The following LMBRD1 variants were observed in gnomAD, a reference collection of about 807,000 sequenced individuals.
The protein encoded by LMBRD1 is LMBR1 domain containing 1.
Under a neutral mutation model 74.8 loss-of-function variants are expected in LMBRD1, and 64 were observed. The ratio of observed to expected loss-of-function variants is 0.86; its 90% CI spans 0.70 to 1.05. The LOEUF is 1.05. Among genes scored for constraint, LMBRD1 ranks in the 50% least tolerant of loss-of-function variants. LMBRD1 has a pLI of 0.00. For missense variants in LMBRD1, 652 were observed against 645.9 expected (o/e 1.01, Z -0.10); for synonymous variants, 204 against 216.3 (o/e 0.94, Z 0.50).
intron 9 of LMBRD1, among the ~76,000 whole-genome samples, chr6:69,709,849 T>C (rs1028096118): frequency 1.3e-5 from 2 of 152,170 alleles, no homozygotes; most frequent in Non-Finnish European, 2.9e-5. Context: ...TTTTAAGACC[T>C]CTACTTTGAA....
rs117698473 is a variant in LMBRD1 at position 69,738,043 on chromosome 6, T to C, written c.563-28A>G. The C allele has an allele frequency of 6.7e-3, 9,951 of 1,474,750 alleles. 45 individuals are homozygous for C. The highest frequency in any genetic ancestry group is 7.9e-3 in the Non-Finnish European group (8,385 of 1,059,426). 91.4% of individuals were successfully genotyped at this position (1,474,750 alleles called of 1,614,324 possible). On this transcript the variant is annotated intron_variant, in intron 6 of 15. Coordinates refer to ENST00000649934, the MANE Select transcript of LMBRD1 (RefSeq NM_018368.4). ...GTGAAGAAAGAAAAACTGTTAAAAA[T>C]GTACATATATACTACTCAAATCCTT...
At chr6:69,718,498 C>T (rs1766541604) in intron 8 of LMBRD1, among the ~76,000 whole-genome samples, 1 of 152,100 alleles carries the variant, frequency 6.6e-6, no homozygotes, top group Non-Finnish European at 1.5e-5. Flanking sequence ...TAAAGAACTA[C>T]TCGAGACTGG....
At chr6:69,713,573 C>T in intron 9 of LMBRD1, 72 bp downstream of exon 9, 1 of 1,461,344 alleles carries the variant, frequency 6.8e-7, no homozygotes, top group Non-Finnish European at 9.5e-7. Flanking sequence ...AAAAGGAGAG[C>T]TCAATCTCTC....
intron 14 of LMBRD1, among the ~76,000 whole-genome samples, chr6:69,677,399 G>A (rs1765569801): frequency 6.6e-6 from 1 of 152,110 alleles, no homozygotes. Context: ...GGGAAGGTTA[G>A]AATAATATTT....
At chr6:69,744,020 A>G (rs1431558365) in intron 5 of LMBRD1, among the ~76,000 whole-genome samples, 2 of 152,242 alleles carry the variant, frequency 1.3e-5, no homozygotes, top group Non-Finnish European at 2.9e-5. Flanking sequence ...CTGAAGTCCA[A>G]TAAAGTTATA....
In LMBRD1 at chr6:69,696,265, C is replaced by T. The variant is rs867610401; in HGVS notation, c.1417+1298G>A. The stretch of plus-strand genomic sequence containing the variant: ...TTGCTTTATTTCACACCCTCATGAC[C>T]ACTGTTTAGTTCAGGCTTTCAACTC... On this transcript the variant is annotated intron_variant, in intron 14 of 15. Transcript: ENST00000649934. Among the ~76,000 whole-genome samples the T allele has an allele frequency of 5.3e-5, 8 of 152,244 alleles. 1 individual carries two copies. In the South Asian group the frequency reaches 6.2e-4, roughly 12 times the overall value.
At position 69,699,225 on chromosome 6, in the gene LMBRD1, T is replaced by C. The variant is rs145296644; in HGVS notation, c.1189-33A>G. ...GAAAAGAGTGACAAAATTTCAGCAA[T>C]ATATTTCATTTATAAAGCATTAAAT... On this transcript the variant is annotated intron_variant, in intron 12 of 15. Transcript: ENST00000649934. The C allele has an allele frequency of 7.6e-5, 119 of 1,566,540 alleles. 1 individual carries two copies. The East Asian group carries it at 2.7e-3, about 35-fold the overall frequency.
intron 12 of LMBRD1, among the ~76,000 whole-genome samples, chr6:69,700,497 C>A (rs1234449266): frequency 1.3e-5 from 2 of 151,840 alleles, no homozygotes; most frequent in Non-Finnish European, 2.9e-5. Flanking sequence ...CCCCTACCCA[C>A]TACATGCCAC....
chr6:69,694,405 A>C (rs962632820), intron 14 of LMBRD1, among the ~76,000 whole-genome samples: 1 of 152,174 alleles, frequency 6.6e-6, no homozygotes, highest in African/African-American at 2.4e-5. Context: ...AACTCAAAGC[A>C]CTTCAACTAT....
intron 8 of LMBRD1, among the ~76,000 whole-genome samples, chr6:69,716,583 A>G (rs1020457376): frequency 1.3e-5 from 2 of 152,174 alleles, no homozygotes; most frequent in Non-Finnish European, 2.9e-5. Flanking sequence ...CACAATCAGT[A>G]GAGCTAGATT....
intron 3 of LMBRD1, among the ~76,000 whole-genome samples, chr6:69,772,047 A>T (rs1198531718): frequency 6.6e-6 from 1 of 152,198 alleles, no homozygotes; most frequent in Non-Finnish European, 1.5e-5. Flanking sequence ...CCACAAGAAA[A>T]AAAACCTACT....
intron 3 of LMBRD1, among the ~76,000 whole-genome samples, chr6:69,767,028 A>G (rs1243696005): frequency 6.6e-6 from 1 of 151,666 alleles, no homozygotes; most frequent in Non-Finnish European, 1.5e-5. Flanking sequence ...TAATTCTTTT[A>G]ATTTCTGCAA....
Position 69,718,933 on chromosome 6 carries a change from A to G in LMBRD1, c.762+23T>C, listed in dbSNP as rs201070434. 18 of 1,612,416 alleles carry G rather than the reference A, an allele frequency of 1.1e-5. No homozygotes were observed. The East Asian group carries it at 2.7e-4, about 24-fold the overall frequency. On this transcript the variant is annotated intron_variant, in intron 8 of 15. Coordinates refer to ENST00000649934, the MANE Select transcript of LMBRD1 (RefSeq NM_018368.4). The stretch of plus-strand genomic sequence containing the variant: ...AGACAAAGTAGTTTTATGCTTCCCA[A>G]TTACACCAAAACATCAACTCACTTT...
At chr6:69,735,042 A>G (rs1220583577) in intron 7 of LMBRD1, among the ~76,000 whole-genome samples, 1 of 152,242 alleles carries the variant, frequency 6.6e-6, no homozygotes, top group African/African-American at 2.4e-5. Context: ...ACGCTTTTGT[A>G]TTGCAATTAT....
At chr6:69,708,496 A>G (rs1476680359) in intron 9 of LMBRD1, among the ~76,000 whole-genome samples, 1 of 152,182 alleles carries the variant, frequency 6.6e-6, no homozygotes, top group East Asian at 1.9e-4. Context: ...GTGAGGTTCA[A>G]AAAGCTTAAG....
chr6:69,725,339 T>TCACACACACA (rs111747887), intron 7 of LMBRD1, among the ~76,000 whole-genome samples: 5 of 148,088 alleles, frequency 3.4e-5, no homozygotes, highest in African/African-American at 1.2e-4. Context: ...ATGACAATCT[T>TCACACACACA]CACACACACA....
intron 14 of LMBRD1, among the ~76,000 whole-genome samples, chr6:69,694,722 A>C (rs1765956857): frequency 6.6e-6 from 1 of 152,118 alleles, no homozygotes; most frequent in South Asian, 2.1e-4. Flanking sequence ...TCAGTTCTTC[A>C]ATCCATTCCT....
chr6:69,683,858 A>T (rs529873987), intron 14 of LMBRD1, among the ~76,000 whole-genome samples: 181 of 152,198 alleles, frequency 1.2e-3, no homozygotes, highest in African/African-American at 4.2e-3. Flanking sequence ...ATGGAAGGCC[A>T]CATTTAAAAG....
At chr6:69,712,654 T>C (rs1332856499) in intron 9 of LMBRD1, among the ~76,000 whole-genome samples, 2 of 152,112 alleles carry the variant, frequency 1.3e-5, no homozygotes, top group Non-Finnish European at 2.9e-5. Context: ...GCACAATTCT[T>C]ATGTGAGACA....
Sources: allele counts gnomAD v4.1 joint callset (sites outside exome capture counted in the v4.1 genomes callset), GRCh38; gene constraint gnomAD v4.1.1; transcripts MANE v1.5; gene names NCBI Gene and HGNC (gene_info 2026-07-23, HGNC 2026-07-21).